The following HERC5 variants were observed in gnomAD, a reference collection of about 807,000 sequenced individuals.
The protein encoded by HERC5 is E3 ISG15--protein ligase HERC5.
A neutral mutation model predicts 119.6 loss-of-function variants in HERC5; 99 were observed. The observed-to-expected ratio is 0.83, with a 90% CI of 0.70 to 0.98. The LOEUF (loss-of-function observed/expected upper bound fraction) is 0.98, where lower values mean the gene tolerates loss of function less well. Among genes scored for constraint, HERC5 ranks in the 50% least tolerant of loss-of-function variants. The pLI is 0.00. For synonymous variants in HERC5, 478 were observed against 445.9 expected (o/e 1.07, Z -0.91); for missense variants, 1,267 against 1,241.3 (o/e 1.02, Z -0.31).
intron 7 of HERC5, 137 bp downstream of exon 7, chr4:88,467,341 G>A (rs1426624440): frequency 7.5e-6 from 6 of 795,446 alleles, no homozygotes; most frequent in African/African-American, 1.7e-5. Flanking sequence ...ATTTTTTACT[G>A]GTAAACAATT....
rs371795309 is a variant in HERC5, at chr4:88,486,135, A to G, written c.1758A>G (p.Gln586=). The change falls in exon 14 of 23, where the codon CAA becomes CAG. Residue 586 remains glutamine, a synonymous_variant. Coordinates refer to ENST00000264350, the MANE Select transcript of HERC5 (RefSeq NM_016323.4). ...KLHRVNQVKC[Q]LPESIFQVDE... is the part of the protein sequence containing the mutation. ...TTAAGGTAAACCAGGTGAAATGTCA[A>G]CTACCTGAAAGTATTTTCCAAGTAG... The G allele has an allele frequency of 2.5e-5, 41 of 1,609,134 alleles. No individual in the cohort carries two copies. The highest frequency in any genetic ancestry group is 1.6e-4 in the Middle Eastern group (1 of 6,074).
At position 88,493,075 on chromosome 4, in the gene HERC5, C is replaced by T; in HGVS notation, c.2197C>T (p.Leu733=). 1 of 1,613,940 alleles carries T rather than the reference C, an allele frequency of 6.2e-7. No individual in the cohort carries two copies. The highest frequency in any genetic ancestry group is 1.1e-5 in the South Asian group (1 of 91,080). Residue 733 remains leucine, a synonymous_variant, in exon 17 of 23, where the codon CTG becomes TTG. Coordinates refer to ENST00000264350, the MANE Select transcript of HERC5 (RefSeq NM_016323.4). ...AGTCAAGAAAGAGTTCTTCTACTGT[C>T]TGTTTGCAGAGATGATCCAGCCGGA... ...GGVKKEFFYC[L]FAEMIQPEYG...
chr4:88,487,033 T>C (rs1371736824), intron 14 of HERC5, 36 bp from the exon 15 acceptor site: 1 of 1,445,898 alleles, frequency 6.9e-7, no homozygotes, highest in African/African-American at 1.4e-5. Flanking sequence ...TCTCTGTCCT[T>C]TAACTTATCA....
intron 1 of HERC5, 147 bp downstream of exon 1, chr4:88,457,681 C>T: frequency 1.1e-6 from 1 of 937,860 alleles, no homozygotes; most frequent in South Asian, 5.4e-5. Context: ...GTTTCGCCGA[C>T]GGCGCACCTG....
At chr4:88,494,760 T>C (rs1211715509) in intron 18 of HERC5, among the ~76,000 whole-genome samples, 1 of 152,228 alleles carries the variant, frequency 6.6e-6, no homozygotes, top group Non-Finnish European at 1.5e-5. Context: ...AAAGCATTCC[T>C]ACACATCCGT....
chr4:88,465,634 G>A (rs1194852592), intron 6 of HERC5, among the ~76,000 whole-genome samples: 6 of 152,106 alleles, frequency 3.9e-5, no homozygotes, highest in Admixed American at 1.3e-4. Flanking sequence ...CTTTTGAGTA[G>A]CATGTATTAC....
intron 13 of HERC5, among the ~76,000 whole-genome samples, chr4:88,480,066 C>CAAAAA (rs58577205): frequency 3.2e-5 from 3 of 93,946 alleles, no homozygotes; most frequent in Non-Finnish European, 7.1e-5. Flanking sequence ...GACTCCGTCT[C>CAAAAA]AAAAAAAAAA....
chr4:88,479,963 A>T (rs1004029367), intron 13 of HERC5, among the ~76,000 whole-genome samples: 1 of 150,546 alleles, frequency 6.6e-6, no homozygotes, highest in African/African-American at 2.4e-5. Context: ...GCTACTCGGG[A>T]GGCTGAGGCA....
rs2149089694 is a variant in HERC5 at position 88,467,108 on chromosome 4, G to T, written c.961G>T (p.Gly321Cys). 6.2e-7 allele frequency: 1 copy of T among 1,614,004 alleles called. No individual in the cohort carries two copies. The highest frequency in any genetic ancestry group is 2.2e-5 in the East Asian group (1 of 44,880). ...VSDLGKVFSF[G>C]SGKDGQLGNG... ...TGATTTGGGAAAGGTCTTTTCCTTT[G>T]GTTCTGGAAAAGATGGACAACTGGG... Residue 321 changes from glycine to cysteine, a missense_variant, in exon 7 of 23, where the codon GGT becomes TGT. Around this residue, in one of 3 missense-constraint regions of HERC5, gnomAD observed 777 missense variants for 758.0 expected, o/e 1.03. Coordinates refer to ENST00000264350, the MANE Select transcript of HERC5 (RefSeq NM_016323.4).
chr4:88,457,885 C>A, intron 1 of HERC5: 1 of 1,059,756 alleles, frequency 9.4e-7, no homozygotes, highest in Non-Finnish European at 1.1e-6. Flanking sequence ...CTCCCACTGT[C>A]TCGTTTTGAG....
chr4:88,471,934 TTCCCTCCCTTCTTTCCTCCC>T (rs924213034), intron 10 of HERC5, among the ~76,000 whole-genome samples: 14 of 149,440 alleles, frequency 9.4e-5, no homozygotes, highest in African/African-American at 2.5e-4. Flanking sequence ...CCCGCCCTTC[TTCCCTCCCTTCTTTCCTCCC>T]TCCCTCCCTC....
chr4:88,468,196 G>C, intron 7 of HERC5, 150 bp from the exon 8 acceptor site: 1 of 570,876 alleles, frequency 1.8e-6, no homozygotes, highest in South Asian at 2.7e-5. Flanking sequence ...ATGTATTTCA[G>C]CTGCTTAATT....
chr4:88,504,229 A>C lies in HERC5; in HGVS notation c.2583-3A>C, dbSNP rs1421183909. 1.3e-6 allele frequency: 2 copies of C among 1,569,538 alleles called. No homozygotes were observed. The highest frequency in any genetic ancestry group is 4.5e-5 in the East Asian group (2 of 44,358). On this transcript the variant is annotated splice_polypyrimidine_tract_variant and splice_region_variant and intron_variant, in intron 20 of 22. Coordinates refer to ENST00000264350, the MANE Select transcript of HERC5 (RefSeq NM_016323.4). ...GTGGAAATAACATTTTGTTTTATTA[A>C]AGGAGAGACTATGTTTCTAAGTATA...
chr4:88,494,150 T>G lies in HERC5; in HGVS notation c.2278-15T>G. On this transcript the variant is annotated splice_polypyrimidine_tract_variant and intron_variant, in intron 17 of 22. Transcript: ENST00000264350. ...AAAACTCATAATACTTTAAGATTTT[T>G]TTTTCGCTTTTCAGCCTAAATTTGA... is the stretch of plus-strand genomic sequence containing the variant. 1 of 1,569,812 alleles carries G rather than the reference T, an allele frequency of 6.4e-7. No homozygotes were observed. Among genetic ancestry groups the G allele is most frequent in the South Asian group, 1.2e-5 (1 of 85,592 alleles).
intron 16 of HERC5, among the ~76,000 whole-genome samples, chr4:88,491,656 C>G (rs1290585150): frequency 6.6e-6 from 1 of 152,072 alleles, no homozygotes; most frequent in Non-Finnish European, 1.5e-5. Context: ...TCTTGTTCTT[C>G]TTGGAGAGAC....
At chr4:88,466,485 C>T (rs1302151969) in intron 6 of HERC5, among the ~76,000 whole-genome samples, 6 of 152,180 alleles carry the variant, frequency 3.9e-5, no homozygotes, top group African/African-American at 1.4e-4. Flanking sequence ...ATTTACATCA[C>T]AGGCCAGGAG....
Position 88,487,148 on chromosome 4 carries a change from T to C in HERC5, c.1931T>C (p.Leu644Pro). 3.1e-6 allele frequency: 5 copies of C among 1,592,518 alleles called. No individual in the cohort carries two copies. Among genetic ancestry groups the C allele is most frequent in the Non-Finnish European group, 4.3e-6 (5 of 1,161,016 alleles). The change falls in exon 15 of 23, where the codon CTA (leucine) becomes CCA (proline). Residue 644 changes from leucine (L) to proline (P), a missense_variant. Transcript: ENST00000264350. Reference sequence around the variant, plus strand: ...TTTAATAATCTGTCGAAAATTAAACTACTACATACAGACACACTTTTAAAA... The same window carrying C: ...TTTAATAATCTGTCGAAAATTAAACCACTACATACAGACACACTTTTAAAA... ...FIFNNLSKIK[L>P]LHTDTLLKIE...
At chr4:88,481,146 A>G (rs1741263391) in intron 13 of HERC5, among the ~76,000 whole-genome samples, 1 of 152,114 alleles carries the variant, frequency 6.6e-6, no homozygotes, top group Non-Finnish European at 1.5e-5. Context: ...TCTGCCTCCC[A>G]GGCTCCTGTG....
At chr4:88,490,427 G>A (rs190286098) in intron 16 of HERC5, among the ~76,000 whole-genome samples, 1 of 152,236 alleles carries the variant, frequency 6.6e-6, no homozygotes, top group East Asian at 1.9e-4. Flanking sequence ...TAATGAAGAC[G>A]GATAAAGATT....
Sources: gnomAD v4.1 joint callset for allele counts (sites outside exome capture counted in the v4.1 genomes callset) on GRCh38, gnomAD v4.1.1 for gene constraint, gnomAD v4.1.1 regional missense constraint, MANE v1.5 for transcripts, NCBI Gene and HGNC (gene_info 2026-07-23, HGNC 2026-07-21) for gene names.